Variants in PAX7 observed in about 807,000 individuals in gnomAD.
The protein encoded by PAX7 is paired box 7.
Under a neutral mutation model 50.7 loss-of-function variants are expected in PAX7, and 18 were observed. The observed-to-expected ratio is 0.36, with a 90% CI of 0.25 to 0.53. The LOEUF (loss-of-function observed/expected upper bound fraction) is 0.53. Among genes scored for constraint, PAX7 ranks in the 20% least tolerant of loss-of-function variants. The pLI, the probability that PAX7 is intolerant of heterozygous loss-of-function variation, is 0.93. For missense variants in PAX7, 644 were observed against 702.9 expected (o/e 0.92, Z 0.95); for synonymous variants, 310 against 290.4 (o/e 1.07, Z -0.69).
chr1:18,665,670 GC>G (rs1391064680), intron 4 of PAX7, among the ~76,000 whole-genome samples: 2 of 74,022 alleles, frequency 2.7e-5, no homozygotes, highest in Admixed American at 2.4e-4. Context: ...ACTGCGCCCA[GC>G]CTTTTTTTTT....
chr1:18,717,407 A>C (rs987183341), intron 7 of PAX7, among the ~76,000 whole-genome samples: 4 of 152,136 alleles, frequency 2.6e-5, no homozygotes, highest in Admixed American at 1.3e-4. Context: ...CCCGTTCATT[A>C]GTTCATTAGG....
intron 4 of PAX7, among the ~76,000 whole-genome samples, chr1:18,655,256 G>T (rs997122011): frequency 1.3e-5 from 2 of 152,176 alleles, no homozygotes; most frequent in Non-Finnish European, 2.9e-5. Context: ...GGCTGCGGCC[G>T]GTCCCAGCCC....
Position 18,745,122 on chromosome 1 carries a change from T to A in PAX7, c.*193T>A, listed in dbSNP as rs1931378360. ...ACCTGTGGTTAGGGATCCAGAGTGA[T>A]GCCCTTGGAGTCTGCTCCCCACTTT... On this transcript the variant is annotated 3_prime_UTR_variant, in exon 9 of 9. Transcript: ENST00000420770. The A allele has an allele frequency of 3.0e-5, 18 of 591,724 alleles. No individual in the cohort carries two copies. The South Asian group carries it at 3.4e-4, about 11-fold the overall frequency. The allele number at this position is 591,724 out of a possible 1,614,324, so 36.7% of individuals were successfully genotyped here. A position where few individuals can be genotyped will look rare whatever the true frequency, so the allele number is the denominator to read the frequency against.
At chr1:18,637,860 G>A (rs1391955713) in intron 4 of PAX7, among the ~76,000 whole-genome samples, 1 of 152,226 alleles carries the variant, frequency 6.6e-6, no homozygotes, top group East Asian at 1.9e-4. Flanking sequence ...CAGCTGTGCC[G>A]GGCGCCCCGC....
intron 7 of PAX7, among the ~76,000 whole-genome samples, chr1:18,714,885 A>T (rs2089399339): frequency 6.6e-6 from 1 of 152,194 alleles, no homozygotes; most frequent in South Asian, 2.1e-4. Flanking sequence ...CTTCTTTCTG[A>T]TTAGCACAGG....
chr1:18,652,719 T>G (rs768705226), intron 4 of PAX7, among the ~76,000 whole-genome samples: 13 of 152,196 alleles, frequency 8.5e-5, no homozygotes, highest in South Asian at 4.1e-4. Flanking sequence ...AGATTATTAA[T>G]TAAGAAGCCC....
At chr1:18,696,299 T>A (rs1042643699) in intron 5 of PAX7, among the ~76,000 whole-genome samples, 1 of 152,182 alleles carries the variant, frequency 6.6e-6, no homozygotes, top group Non-Finnish European at 1.5e-5. Flanking sequence ...ACTCCTGACC[T>A]CAGGTGATCT....
Position 18,703,117 on chromosome 1 carries a change from C to T in PAX7, c.976C>T (p.Pro326Ser). The T allele has an allele frequency of 6.2e-7, 1 of 1,613,884 alleles. No individual in the cohort carries two copies. Reference sequence around the variant, plus strand: ...AGATGGGGGCAGCACTGTGCACCGGCCTCAGCCCCTGCCACCGTCCACCAT... The same window carrying T: ...AGATGGGGGCAGCACTGTGCACCGGTCTCAGCCCCTGCCACCGTCCACCAT... ...SQDGGSTVHR[P>S]QPLPPSTMHQ... Residue 326 changes from proline to serine, a missense_variant, in exon 7 of 9, where the codon CCT (proline) becomes TCT (serine). By Grantham distance (74) the Pro-to-Ser change is moderately conservative. Coordinates refer to ENST00000420770, the MANE Select transcript of PAX7 (RefSeq NM_001135254.2).
intron 4 of PAX7, among the ~76,000 whole-genome samples, chr1:18,686,350 C>A (rs1211073218): frequency 6.6e-6 from 1 of 152,212 alleles, no homozygotes; most frequent in Non-Finnish European, 1.5e-5. Flanking sequence ...TCTTTTGGGG[C>A]AATCTCCAGA....
chr1:18,652,773 C>CAA (rs1211718872), intron 4 of PAX7, among the ~76,000 whole-genome samples: 9 of 152,208 alleles, frequency 5.9e-5, no homozygotes, highest in Non-Finnish European at 1.2e-4. Context: ...GGTGCCTCAG[C>CAA]TCTTTGGGTC....
At chr1:18,644,205 T>C (rs932497180) in intron 4 of PAX7, among the ~76,000 whole-genome samples, 22 of 152,296 alleles carry the variant, frequency 1.4e-4, no homozygotes, top group African/African-American at 5.1e-4. Context: ...CCCCCGCGGC[T>C]GTGTTCCATC....
intron 4 of PAX7, among the ~76,000 whole-genome samples, chr1:18,658,830 G>C (rs541777311): frequency 6.6e-6 from 1 of 152,312 alleles, no homozygotes; most frequent in East Asian, 1.9e-4. Flanking sequence ...GTTGCCTTGG[G>C]AGAAACCTTT....
chr1:18,706,644 A>C (rs2089287060), intron 7 of PAX7, among the ~76,000 whole-genome samples: 1 of 75,620 alleles, frequency 1.3e-5, no homozygotes. Context: ...CGCCACTCCC[A>C]ACTAATTTTT....
intron 4 of PAX7, among the ~76,000 whole-genome samples, chr1:18,678,799 G>A (rs1470736940): frequency 1.3e-5 from 2 of 152,164 alleles, no homozygotes; most frequent in East Asian, 3.9e-4. Context: ...CATCATCCCA[G>A]GGCACAAGTC....
intron 4 of PAX7, among the ~76,000 whole-genome samples, chr1:18,650,479 T>C (rs2088414235): frequency 6.6e-6 from 1 of 152,010 alleles, no homozygotes; most frequent in Non-Finnish European, 1.5e-5. Context: ...ATGCAGCCTG[T>C]GGGGGATGGA....
intron 4 of PAX7, among the ~76,000 whole-genome samples, chr1:18,637,887 A>G (rs1324541643): frequency 6.6e-6 from 1 of 152,214 alleles, no homozygotes; most frequent in Non-Finnish European, 1.5e-5. Context: ...CGGCCTGCCG[A>G]GGGGCCACGG....
intron 7 of PAX7, among the ~76,000 whole-genome samples, chr1:18,714,065 G>T (rs1437127502): frequency 6.6e-6 from 1 of 152,074 alleles, no homozygotes; most frequent in Admixed American, 6.6e-5. Context: ...ACAAAAATTA[G>T]CCGGGCATGG....
At chr1:18,663,178 C>T (rs2088624254) in intron 4 of PAX7, among the ~76,000 whole-genome samples, 1 of 152,174 alleles carries the variant, frequency 6.6e-6, no homozygotes, top group African/African-American at 2.4e-5. Context: ...CGACACCTCG[C>T]CAGTGATGGG....
intron 4 of PAX7, among the ~76,000 whole-genome samples, chr1:18,683,698 G>A (rs928244219): frequency 1.1e-4 from 16 of 152,278 alleles, no homozygotes; most frequent in South Asian, 4.1e-4. Flanking sequence ...AAATTAGTCC[G>A]GCACGGTGGT....
Sources: gnomAD v4.1 joint callset for allele counts (sites outside exome capture counted in the v4.1 genomes callset) on GRCh38, gnomAD v4.1.1 for gene constraint, MANE v1.5 for transcripts, NCBI Gene and HGNC (gene_info 2026-07-23, HGNC 2026-07-21) for gene names.